The following BNC2 variants were observed in gnomAD, a reference collection of about 807,000 sequenced individuals.
BNC2 encodes the protein zinc finger protein basonuclin-2.
Under a neutral mutation model 76.3 loss-of-function variants are expected in BNC2, and 20 were observed. That is an observed-to-expected ratio of 0.26 (90% CI 0.18 to 0.38). BNC2 has a LOEUF of 0.38. BNC2 is among the 10% of genes least tolerant of loss of function. The pLI is 1.00. For missense variants in BNC2, 1,382 were observed against 1,399.8 expected, an observed-to-expected ratio of 0.99 and a Z score of 0.20; for synonymous variants, 582 against 514.8, an observed-to-expected ratio of 1.13 and a Z score of -1.77.
At chr9:16,441,318 T>C (rs1480821955) in intron 5 of BNC2, among the ~76,000 whole-genome samples, 3 of 152,110 alleles carry the variant, frequency 2.0e-5, no homozygotes, top group African/African-American at 7.2e-5. Context: ...CAAAAAATCA[T>C]TATCAATTTG....
At position 16,592,092 on chromosome 9, in the gene BNC2, TAAAGA is replaced by T. The variant is rs1563853800; in HGVS notation, c.331-9012_331-9008del. 2.0e-3 allele frequency among the ~76,000 whole-genome samples: 306 copies of T among 152,138 alleles called. 8 individuals are homozygous for T. In the East Asian group the frequency reaches 0.053, roughly 26 times the overall value. On this transcript the variant is annotated intron_variant, in intron 3 of 6. Coordinates refer to ENST00000380672, the MANE Select transcript of BNC2 (RefSeq NM_017637.6). ...GTAAAAGACAAAAAGCTGGGCAATT[TAAAGA>T]TGGTTAACCACCCCTCCCCTCCCCC...
At chr9:16,788,350 G>C (rs367837848) in intron 1 of BNC2, among the ~76,000 whole-genome samples, 2 of 151,542 alleles carry the variant, frequency 1.3e-5, no homozygotes, top group Non-Finnish European at 3.0e-5. Flanking sequence ...TCAGGAGATC[G>C]AGACCATCCT....
chr9:16,498,097 ATATATATTCTATCATATG>A (rs1427750926), intron 5 of BNC2, among the ~76,000 whole-genome samples: 3 of 147,166 alleles, frequency 2.0e-5, no homozygotes, highest in Non-Finnish European at 4.5e-5. Context: ...ATTCCATCAT[ATATATATTCTATCATATG>A]TATATATTCT....
chr9:16,665,313 T>TA (rs1822238828), intron 3 of BNC2: 1 of 302,306 alleles, frequency 3.3e-6, no homozygotes, highest in Non-Finnish European at 6.2e-6. Context: ...GAGGTTGCAG[T>TA]AAGCTAAGAC....
chr9:16,846,833 A>C (rs1818994606), intron 1 of BNC2, among the ~76,000 whole-genome samples: 1 of 152,216 alleles, frequency 6.6e-6, no homozygotes, highest in African/African-American at 2.4e-5. Context: ...GTAAAAAGAA[A>C]TCCTATAAAA....
chr9:16,796,331 A>G (rs1817646627), intron 1 of BNC2, among the ~76,000 whole-genome samples: 1 of 152,370 alleles, frequency 6.6e-6, no homozygotes, highest in Admixed American at 6.5e-5. Flanking sequence ...ACACCCTGAT[A>G]GATTTCATAA....
chr9:16,633,449 T>C (rs1030886212), intron 3 of BNC2, among the ~76,000 whole-genome samples: 1 of 152,252 alleles, frequency 6.6e-6, no homozygotes, highest in Admixed American at 6.5e-5. Flanking sequence ...TCACATTCTT[T>C]TCTACTTAAA....
At chr9:16,704,337 C>T (rs973824612) in intron 3 of BNC2, among the ~76,000 whole-genome samples, 1 of 152,082 alleles carries the variant, frequency 6.6e-6, no homozygotes, top group Non-Finnish European at 1.5e-5. Flanking sequence ...GGGTTGGGGG[C>T]AATCTGCAAA....
intron 3 of BNC2, among the ~76,000 whole-genome samples, chr9:16,673,063 T>C (rs1043766486): frequency 6.6e-6 from 1 of 152,176 alleles, no homozygotes; most frequent in South Asian, 2.1e-4. Flanking sequence ...TTGTTTTGTC[T>C]TAGTGTATCT....
intron 3 of BNC2, among the ~76,000 whole-genome samples, chr9:16,605,376 G>A (rs1820355536): frequency 6.6e-6 from 1 of 152,164 alleles, no homozygotes; most frequent in Admixed American, 6.5e-5. Context: ...TCCCTCTTAG[G>A]AGGGTATCAC....
At chr9:16,440,802 A>G (rs1821111124) in intron 5 of BNC2, among the ~76,000 whole-genome samples, 2 of 152,118 alleles carry the variant, frequency 1.3e-5, no homozygotes. Context: ...GTTACATTAA[A>G]CCACTTGCTT....
At chr9:16,679,925 G>C (rs1051856940) in intron 3 of BNC2, among the ~76,000 whole-genome samples, 1 of 152,210 alleles carries the variant, frequency 6.6e-6, no homozygotes, top group African/African-American at 2.4e-5. Flanking sequence ...AGTCCTCAGG[G>C]AAAGTCAGAA....
At chr9:16,573,533 T>C (rs77195889) in intron 4 of BNC2, among the ~76,000 whole-genome samples, 1,225 of 107,170 alleles carry the variant, frequency 0.011, 55 homozygotes, top group East Asian at 0.091. Context: ...AGGTGTAGAG[T>C]TGCCTTTACA....
At chr9:16,731,230 TAGAA>T (rs1446921735) in intron 2 of BNC2, among the ~76,000 whole-genome samples, 2 of 152,192 alleles carry the variant, frequency 1.3e-5, no homozygotes, top group East Asian at 3.8e-4. Context: ...TATTTAAAAC[TAGAA>T]GGAAGAAGAC....
intron 4 of BNC2, among the ~76,000 whole-genome samples, chr9:16,570,713 G>A (rs1434301634): frequency 6.6e-6 from 1 of 151,932 alleles, no homozygotes; most frequent in African/African-American, 2.4e-5. Context: ...GAGCAGATAG[G>A]GAAACCTAAA....
intron 5 of BNC2, among the ~76,000 whole-genome samples, chr9:16,550,182 G>A (rs569431884): frequency 2.0e-4 from 30 of 152,068 alleles, no homozygotes; most frequent in Admixed American, 1.2e-3. Context: ...CACAGCCCAC[G>A]GGCTGCATGT....
Position 16,790,736 on chromosome 9 carries a change from T to C in BNC2, c.4-52251A>G, listed in dbSNP as rs571442779. ...CCACTTCATAACTGACTTTGATAAG[T>C]TAGTTATCTTTCACTAAGTGCTCCT... On this transcript the variant is annotated intron_variant, in intron 1 of 6. Transcript: ENST00000380672. Among the ~76,000 whole-genome samples the C allele has an allele frequency of 2.6e-5, 4 of 152,162 alleles. No individual in the cohort carries two copies. In the East Asian group the frequency reaches 5.8e-4, roughly 22 times the overall value.
chr9:16,620,050 C>T (rs971194680), intron 3 of BNC2, among the ~76,000 whole-genome samples: 4 of 152,200 alleles, frequency 2.6e-5, no homozygotes, highest in African/African-American at 7.2e-5. Flanking sequence ...AAACAAAAAC[C>T]CCCACTTTGT....
At chr9:16,617,641 G>C (rs1006424055) in intron 3 of BNC2, among the ~76,000 whole-genome samples, 2 of 152,222 alleles carry the variant, frequency 1.3e-5, no homozygotes, top group Admixed American at 6.5e-5. Context: ...CTTAATGAAG[G>C]GTCAGGTTCC....
Sources: allele counts gnomAD v4.1 joint callset (sites outside exome capture counted in the v4.1 genomes callset), GRCh38; gene constraint gnomAD v4.1.1; transcripts MANE v1.5; gene names NCBI Gene and HGNC (gene_info 2026-07-23, HGNC 2026-07-21).